Variants in MELK observed in about 807,000 individuals in gnomAD.
MELK encodes the protein maternal embryonic leucine zipper kinase.
In MELK, 81 loss-of-function variants were observed where a neutral mutation model predicts 85.0. The observed-to-expected ratio is 0.95, with a 90% CI of 0.80 to 1.15. MELK has a LOEUF of 1.15. Among genes scored for constraint, MELK ranks in the 50% most tolerant of loss-of-function variants. MELK has a pLI of 0.00. For synonymous variants in MELK, 252 were observed against 265.0 expected, an observed-to-expected ratio of 0.95 and a Z score of 0.48; for missense variants, 754 against 777.5, an observed-to-expected ratio of 0.97 and a Z score of 0.36.
intron 7 of MELK, among the ~76,000 whole-genome samples, chr9:36,607,091 A>G (rs1448708750): frequency 6.6e-6 from 1 of 152,174 alleles, no homozygotes; most frequent in African/African-American, 2.4e-5. Flanking sequence ...GGCCACCTCT[A>G]CATTTGAAAA....
intron 13 of MELK, among the ~76,000 whole-genome samples, chr9:36,657,668 G>A (rs1831387613): frequency 6.6e-6 from 1 of 152,158 alleles, no homozygotes; most frequent in African/African-American, 2.4e-5. Flanking sequence ...TCGGCTCACT[G>A]CAACCTCTGC....
At chr9:36,580,703 G>A (rs558534907) in intron 1 of MELK, among the ~76,000 whole-genome samples, 4 of 148,434 alleles carry the variant, frequency 2.7e-5, no homozygotes, top group East Asian at 2.0e-4. Flanking sequence ...CCATGTTTTT[G>A]TTGGCCATTT....
intron 3 of MELK, among the ~76,000 whole-genome samples, chr9:36,588,014 C>T (rs1823119877): frequency 6.6e-6 from 1 of 151,852 alleles, no homozygotes; most frequent in African/African-American, 2.4e-5. Flanking sequence ...GATCTGCCCG[C>T]CTCAGCCTCT....
At chr9:36,620,288 A>G (rs918193563) in intron 8 of MELK, among the ~76,000 whole-genome samples, 3 of 152,274 alleles carry the variant, frequency 2.0e-5, no homozygotes, top group African/African-American at 7.2e-5. Context: ...TTTCCCAGAC[A>G]TCCCATCTTT....
intron 14 of MELK, among the ~76,000 whole-genome samples, chr9:36,668,990 T>G (rs756113175): frequency 1.3e-5 from 2 of 152,088 alleles, no homozygotes; most frequent in Non-Finnish European, 2.9e-5. Context: ...AGAAAAAGAA[T>G]CAGTAATTAT....
chr9:36,669,432 T>TA (rs1832697206), intron 15 of MELK, 26 bp downstream of exon 15: 1 of 1,465,672 alleles, frequency 6.8e-7, no homozygotes, highest in Non-Finnish European at 9.3e-7. Flanking sequence ...TTTTAGACTC[T>TA]AATCTTTAGT....
At chr9:36,673,430 T>C (rs1833066923) in intron 16 of MELK, among the ~76,000 whole-genome samples, 1 of 152,194 alleles carries the variant, frequency 6.6e-6, no homozygotes, top group African/African-American at 2.4e-5. Flanking sequence ...TTTTATTTTA[T>C]TTGTTGTTAA....
intron 5 of MELK, among the ~76,000 whole-genome samples, 176 bp downstream of exon 5, chr9:36,594,947 G>T: frequency 7.0e-6 from 1 of 142,974 alleles, no homozygotes; most frequent in African/African-American, 2.6e-5. Context: ...TTTTTTTGGA[G>T]GTGGTGTCTC....
At chr9:36,585,900 T>C (rs905998712) in intron 3 of MELK, among the ~76,000 whole-genome samples, 1 of 152,152 alleles carries the variant, frequency 6.6e-6, no homozygotes, top group Non-Finnish European at 1.5e-5. Context: ...ATTGCACCAC[T>C]GCACTCTAGC....
chr9:36,624,208 C>G (rs968432661), intron 8 of MELK, among the ~76,000 whole-genome samples: 3 of 151,996 alleles, frequency 2.0e-5, no homozygotes, highest in Middle Eastern at 3.2e-3. Flanking sequence ...CTTAGCCTCC[C>G]AAGTAGCTGA....
At chr9:36,652,991 A>G (rs753443322) in intron 12 of MELK, among the ~76,000 whole-genome samples, 68 of 152,266 alleles carry the variant, frequency 4.5e-4, no homozygotes, top group South Asian at 6.2e-4. Context: ...AAACATTTTG[A>G]TAAATATTTT....
At chr9:36,635,350 G>A (rs111319103) in intron 10 of MELK, among the ~76,000 whole-genome samples, 2,458 of 151,168 alleles carry the variant, frequency 0.016, 63 homozygotes, top group African/African-American at 0.056. Flanking sequence ...TACAACCTCC[G>A]CCTCCCAGTT....
intron 10 of MELK, among the ~76,000 whole-genome samples, chr9:36,639,880 A>G (rs1363174057): frequency 1.3e-5 from 2 of 152,162 alleles, no homozygotes; most frequent in Non-Finnish European, 2.9e-5. Flanking sequence ...TACACTTAAG[A>G]TGATGGAGGG....
intron 10 of MELK, among the ~76,000 whole-genome samples, chr9:36,642,418 CTTTT>C (rs34671966): frequency 2.4e-4 from 20 of 84,784 alleles, no homozygotes; most frequent in African/African-American, 9.2e-4. Flanking sequence ...TACAACAGAA[CTTTT>C]TTTTTTTTTT....
chr9:36,666,851 GTT>G (rs1491356423), intron 14 of MELK, among the ~76,000 whole-genome samples: 25 of 110,338 alleles, frequency 2.3e-4, no homozygotes, highest in Non-Finnish European at 4.6e-4. Flanking sequence ...TGATGTCTGT[GTT>G]TGTGTGTGTG....
At position 36,677,173 on chromosome 9, in the gene MELK, T is replaced by C. The variant is rs1402379156; in HGVS notation, c.1792T>C (p.Cys598Arg). ...DFVQKGYTLK[C>R]QTQSDFGKVT... The stretch of plus-strand genomic sequence containing the variant: ...TGTTTTTCACAGTTATACACTGAAG[T>C]GTCAAACACAGTCAGATTTTGGGAA... The change falls in exon 18 of 18, where the codon TGT (cysteine) becomes CGT (arginine). Residue 598 changes from cysteine to arginine, a missense_variant. Coordinates refer to ENST00000298048, the MANE Select transcript of MELK (RefSeq NM_014791.4). The C allele has an allele frequency of 7.4e-6, 12 of 1,613,566 alleles. No homozygotes were observed. The highest frequency in any genetic ancestry group is 1.0e-5 in the Non-Finnish European group (12 of 1,179,732).
intron 1 of MELK, among the ~76,000 whole-genome samples, chr9:36,578,149 A>G (rs1587297964): frequency 6.6e-6 from 1 of 152,152 alleles, no homozygotes; most frequent in South Asian, 2.1e-4. Flanking sequence ...GACCTTAGCT[A>G]TCTATGTTTT....
intron 1 of MELK, among the ~76,000 whole-genome samples, chr9:36,580,315 AC>A (rs966309892): frequency 1.3e-5 from 2 of 149,422 alleles, no homozygotes; most frequent in African/African-American, 5.0e-5. Flanking sequence ...GGCGTGAGCC[AC>A]CGCACCCGGC....
chr9:36,614,242 C>T (rs1826324373), intron 8 of MELK, among the ~76,000 whole-genome samples: 1 of 151,732 alleles, frequency 6.6e-6, no homozygotes, highest in Non-Finnish European at 1.5e-5. Flanking sequence ...ATTATAGGTC[C>T]TTGCCACCAT....
Sources: gnomAD v4.1 joint callset for allele counts (sites outside exome capture counted in the v4.1 genomes callset) on GRCh38, gnomAD v4.1.1 for gene constraint, MANE v1.5 for transcripts, NCBI Gene and HGNC (gene_info 2026-07-23, HGNC 2026-07-21) for gene names.